FMN1: variants seen among roughly 807,000 people sequenced by gnomAD.
The protein encoded by FMN1 is formin 1.
A neutral mutation model predicts 132.4 loss-of-function variants in FMN1; 110 were observed. The observed-to-expected ratio is 0.83, with a 90% CI of 0.71 to 0.97. FMN1 has a LOEUF of 0.97. FMN1 is among the 50% of genes least tolerant of loss of function. The probability of loss-of-function intolerance (pLI) is 0.00; values close to 1 mark genes in which losing one functional copy is unlikely to be tolerated. For missense variants in FMN1, 1,792 were observed against 1,705.3 expected (o/e 1.05, Z -0.90); for synonymous variants, 722 against 651.7 (o/e 1.11, Z -1.64).
At chr15:32,906,570 T>A (rs1489049263) in intron 12 of FMN1, among the ~76,000 whole-genome samples, 1 of 152,210 alleles carries the variant, frequency 6.6e-6, no homozygotes. Flanking sequence ...TAGAGGAGAA[T>A]ATTACTGTGT....
rs181827311 is a variant in FMN1, at chr15:33,024,022, T to G, written c.2162-15947A>C. 1.9e-3 allele frequency among the ~76,000 whole-genome samples: 295 copies of G among 152,072 alleles called. 2 individuals carry two copies. The highest frequency in any genetic ancestry group is 6.5e-3 in the African/African-American group (268 of 41,516). On this transcript the variant is annotated intron_variant, in intron 6 of 20. Coordinates refer to ENST00000616417, the MANE Select transcript of FMN1 (RefSeq NM_001277313.2). Reference sequence around the variant, plus strand: ...TGCAAAGCATATAACCAATAAAATGTTAGCATCCAGAATAAAGAAATCCTA... The same window carrying G: ...TGCAAAGCATATAACCAATAAAATGGTAGCATCCAGAATAAAGAAATCCTA...
chr15:32,965,192 G>A (rs1451046722), intron 8 of FMN1, among the ~76,000 whole-genome samples: 1 of 152,154 alleles, frequency 6.6e-6, no homozygotes, highest in East Asian at 1.9e-4. Flanking sequence ...GGGGTCAGGA[G>A]TTCAAGACCA....
At chr15:33,110,459 G>A (rs1010260235) in intron 4 of FMN1, among the ~76,000 whole-genome samples, 15 of 145,360 alleles carry the variant, frequency 1.0e-4, no homozygotes, top group Admixed American at 2.7e-4. Context: ...GATAATGGAA[G>A]GTTTTTTTCG....
intron 6 of FMN1, among the ~76,000 whole-genome samples, chr15:33,022,407 A>C (rs1333617936): frequency 1.3e-5 from 2 of 152,180 alleles, no homozygotes; most frequent in Non-Finnish European, 2.9e-5. Context: ...CTTTTCCTTG[A>C]TTTGAAAAGT....
intron 7 of FMN1, among the ~76,000 whole-genome samples, chr15:32,973,731 A>G (rs1286625919): frequency 6.6e-6 from 1 of 152,212 alleles, no homozygotes; most frequent in African/African-American, 2.4e-5. Flanking sequence ...CTGTCTGTCC[A>G]TATCATACCA....
At chr15:33,160,715 A>C (rs1964854432) in intron 3 of FMN1, among the ~76,000 whole-genome samples, 1 of 152,130 alleles carries the variant, frequency 6.6e-6, no homozygotes, top group South Asian at 2.1e-4. Flanking sequence ...TAAATTATAC[A>C]TCTTAATTTG....
chr15:32,979,066 C>A (rs1302660357), intron 7 of FMN1, among the ~76,000 whole-genome samples: 1 of 152,138 alleles, frequency 6.6e-6, no homozygotes, highest in Non-Finnish European at 1.5e-5. Context: ...AATGATACAG[C>A]TCTCTGGGAG....
Position 32,798,929 on chromosome 15 carries a change from A to G in FMN1, c.4005T>C (p.Phe1335=), listed in dbSNP as rs577603187. 6.2e-7 allele frequency: 1 copy of G among 1,613,566 alleles called. No individual in the cohort carries two copies. Among genetic ancestry groups the G allele is most frequent in the South Asian group, 1.1e-5 (1 of 90,934 alleles). ...QKSFETTVRY[F]GMKPKSGEKE... is the part of the protein sequence containing the mutation. Reference sequence around the variant, plus strand: ...TCTCACCAGACTTTGGCTTCATCCCAAAATATCGTACTGTTGTTTCAAAAC... The same window carrying G: ...TCTCACCAGACTTTGGCTTCATCCCGAAATATCGTACTGTTGTTTCAAAAC... Residue 1335 remains phenylalanine (F), a synonymous_variant, in exon 19 of 21, where the codon TTT becomes TTC. Coordinates refer to ENST00000616417, the MANE Select transcript of FMN1 (RefSeq NM_001277313.2).
chr15:32,822,927 T>G (rs1316179986), intron 17 of FMN1, among the ~76,000 whole-genome samples: 2 of 152,128 alleles, frequency 1.3e-5, no homozygotes, highest in Non-Finnish European at 2.9e-5. Context: ...CCTCTGTTGT[T>G]GATTCTGGAC....
At chr15:33,068,057 C>T (rs2037830129) in intron 5 of FMN1, 6 of 1,425,662 alleles carry the variant, frequency 4.2e-6, no homozygotes, top group Non-Finnish European at 5.5e-6. Flanking sequence ...CAGTGCCCTC[C>T]TTCCGGTTTG....
At chr15:33,118,452 G>C (rs767115978) in intron 4 of FMN1, among the ~76,000 whole-genome samples, 1 of 152,040 alleles carries the variant, frequency 6.6e-6, no homozygotes, top group Non-Finnish European at 1.5e-5. Context: ...CAGAGAAATA[G>C]GAAAGTAAAA....
intron 3 of FMN1, among the ~76,000 whole-genome samples, chr15:33,166,802 G>C (rs1272794975): frequency 6.6e-6 from 1 of 152,158 alleles, no homozygotes; most frequent in Admixed American, 6.5e-5. Context: ...AAATACCAGT[G>C]ACCATATATA....
intron 5 of FMN1, chr15:33,066,793 C>T (rs1196453894): frequency 1.9e-6 from 3 of 1,613,990 alleles, no homozygotes; most frequent in East Asian, 2.2e-5. Flanking sequence ...TCCTGGGCGA[C>T]TCAGGGTCTG....
intron 9 of FMN1, among the ~76,000 whole-genome samples, chr15:32,948,986 A>T (rs1672019658): frequency 6.6e-6 from 1 of 151,870 alleles, no homozygotes; most frequent in Non-Finnish European, 1.5e-5. Flanking sequence ...CTAGTTATTG[A>T]TTTAAGGCAC....
At chr15:32,787,117 A>G (rs1188065831) in intron 19 of FMN1, among the ~76,000 whole-genome samples, 1 of 152,234 alleles carries the variant, frequency 6.6e-6, no homozygotes, top group African/African-American at 2.4e-5. Flanking sequence ...ATAAAAGTCA[A>G]TGAAATAAGT....
rs554511112 is a variant in FMN1 at position 32,847,454 on chromosome 15, T to C, written c.3928+9561A>G. Reference sequence around the variant, plus strand: ...AGTGTTTAAAAACAGAAGACAAGGCTGGGCGTGGTGGCTCGTGCCTGTAAT... The same window carrying C: ...AGTGTTTAAAAACAGAAGACAAGGCCGGGCGTGGTGGCTCGTGCCTGTAAT... On this transcript the variant is annotated intron_variant, in intron 17 of 20. Coordinates refer to ENST00000616417, the MANE Select transcript of FMN1 (RefSeq NM_001277313.2). Among the ~76,000 whole-genome samples the C allele has an allele frequency of 5.3e-5, 8 of 152,114 alleles. No homozygotes were observed. The East Asian group carries it at 7.7e-4, about 15-fold the overall frequency.
intron 3 of FMN1, among the ~76,000 whole-genome samples, chr15:33,156,457 T>A (rs2140291395): frequency 6.6e-6 from 1 of 151,302 alleles, no homozygotes; most frequent in East Asian, 1.9e-4. Flanking sequence ...AGTTTTTTTG[T>A]ATTTTTTTTT....
At chr15:32,950,440 G>A (rs1271898479) in intron 9 of FMN1, among the ~76,000 whole-genome samples, 3 of 151,958 alleles carry the variant, frequency 2.0e-5, no homozygotes, top group African/African-American at 7.2e-5. Context: ...TCAACCTATA[G>A]ATGCCCATCA....
At chr15:33,130,425 C>G (rs1236346277) in intron 4 of FMN1, among the ~76,000 whole-genome samples, 1 of 152,124 alleles carries the variant, frequency 6.6e-6, no homozygotes, top group Non-Finnish European at 1.5e-5. Context: ...GAGATTGAGA[C>G]AAGTTGTGGG....
Sources: gnomAD v4.1 joint callset for allele counts (sites outside exome capture counted in the v4.1 genomes callset) on GRCh38, gnomAD v4.1.1 for gene constraint, MANE v1.5 for transcripts, NCBI Gene and HGNC (gene_info 2026-07-23, HGNC 2026-07-21) for gene names.